CD5: variants seen among roughly 807,000 people sequenced by gnomAD.
The protein encoded by CD5 is T-cell surface glycoprotein CD5.
A neutral mutation model predicts 60.3 loss-of-function variants in CD5; 36 were observed. That is an observed-to-expected ratio of 0.60 (90% CI 0.46 to 0.79). CD5 has a LOEUF of 0.79. Among genes scored for constraint, CD5 ranks in the 30% least tolerant of loss-of-function variants. The pLI is 0.00. For missense variants in CD5, 540 were observed against 630.6 expected (o/e 0.86, Z 1.54); for synonymous variants, 230 against 257.6 (o/e 0.89, Z 1.03).
chr11:61,098,806 G>A (rs568778080), upstream of CD5, among the ~76,000 whole-genome samples: 4 of 152,304 alleles, frequency 2.6e-5, no homozygotes, highest in East Asian at 7.7e-4. Flanking sequence ...TTAACTTGGT[G>A]TCTGAGGGGT....
intron 1 of CD5, among the ~76,000 whole-genome samples, chr11:61,109,509 A>G (rs1255205562): frequency 6.8e-6 from 1 of 147,238 alleles, no homozygotes; most frequent in Non-Finnish European, 1.5e-5. Context: ...AAACAAAATT[A>G]AAAGAAACCT....
At chr11:61,099,450 G>C, upstream of CD5, among the ~76,000 whole-genome samples, 1 of 129,332 alleles carries the variant, frequency 7.7e-6, no homozygotes, top group Non-Finnish European at 1.6e-5. Flanking sequence ...ACATCAACAT[G>C]GAGATTACAC....
At chr11:61,099,553 T>TCA (rs1238956430), upstream of CD5, among the ~76,000 whole-genome samples, 34 of 130,666 alleles carry the variant, frequency 2.6e-4, no homozygotes, top group African/African-American at 4.4e-4. Context: ...AACATGGAGA[T>TCA]CACACACACA....
chr11:61,123,107 G>C (rs1230446256), intron 7 of CD5, 75 bp downstream of exon 7: 1 of 1,472,696 alleles, frequency 6.8e-7, no homozygotes, highest in African/African-American at 1.4e-5. Context: ...TCCTCCGGAG[G>C]AGGGGTCATG....
chr11:61,098,732 G>GACA (rs1168823864), upstream of CD5, among the ~76,000 whole-genome samples: 19 of 152,342 alleles, frequency 1.2e-4, no homozygotes, highest in African/African-American at 4.6e-4. Flanking sequence ...TGCTCACTCA[G>GACA]AGAGCTCAGC....
At chr11:61,126,202 G>A (rs1159821674) in intron 10 of CD5, 86 bp from the exon 11 acceptor site, 2 of 181,606 alleles carry the variant, frequency 1.1e-5, no homozygotes, top group Non-Finnish European at 2.3e-5. Flanking sequence ...CCCCAAGATG[G>A]AGCCCAGAGC....
chr11:61,098,660 T>A (rs1408996601), upstream of CD5, among the ~76,000 whole-genome samples: 2 of 152,210 alleles, frequency 1.3e-5, no homozygotes, highest in Non-Finnish European at 2.9e-5. Context: ...GCTTGCTCAA[T>A]CGATCATGAC....
intron 7 of CD5, among the ~76,000 whole-genome samples, chr11:61,123,476 C>T (rs1185599968): frequency 2.6e-5 from 4 of 152,138 alleles, no homozygotes; most frequent in African/African-American, 7.2e-5. Context: ...ACCTTGTGAA[C>T]GCGGGGGGTT....
intron 8 of CD5, among the ~76,000 whole-genome samples, chr11:61,124,828 TG>T (rs1490358465): frequency 2.0e-5 from 3 of 151,990 alleles, no homozygotes; most frequent in Non-Finnish European, 4.4e-5. Context: ...TACCCAAACC[TG>T]CTCTAAAAGT....
chr11:61,115,349 AC>A (rs1311575702), intron 2 of CD5, among the ~76,000 whole-genome samples: 3 of 152,038 alleles, frequency 2.0e-5, no homozygotes, highest in African/African-American at 7.3e-5. Flanking sequence ...AATTATTATG[AC>A]CCGCTCACCA....
chr11:61,108,324 C>T (rs868609656), intron 1 of CD5, among the ~76,000 whole-genome samples: 3 of 152,176 alleles, frequency 2.0e-5, no homozygotes, highest in Middle Eastern at 3.2e-3. Context: ...ACCCACTGTC[C>T]GCTCACTGGG....
chr11:61,122,307 G>C (rs1243456093), intron 6 of CD5, among the ~76,000 whole-genome samples: 1 of 135,838 alleles, frequency 7.4e-6, no homozygotes, highest in Non-Finnish European at 1.6e-5. Flanking sequence ...TGGGTGGGTG[G>C]GTGGGTGGAT....
In CD5 at chr11:61,119,520, C is replaced by CT; in HGVS notation, c.752dup (p.Arg252GlnfsTer35). ...CAAGCTGTACCTCCCTGGAGCATTG[C>CT]TTCAGGAAAATCAAGCCCCAGAAAA... On this transcript the variant is annotated frameshift_variant, in exon 5 of 11. Transcript: ENST00000347785. LOFTEE classifies it high-confidence loss of function. 6.2e-7 allele frequency: 1 copy of CT among 1,613,934 alleles called. No individual in the cohort carries two copies. Among genetic ancestry groups the CT allele is most frequent in the Admixed American group, 1.7e-5 (1 of 60,018 alleles).
chr11:61,118,277 G>C lies in CD5; in HGVS notation c.197G>C (p.Arg66Pro). 6.2e-7 allele frequency: 1 copy of C among 1,614,264 alleles called. No individual in the cohort carries two copies. The highest frequency in any genetic ancestry group is 8.5e-7 in the Non-Finnish European group (1 of 1,180,048). ...ATGGTTTGCAGCCAGAGCTGGGGCC[G>C]GAGCTCCAAGCAGTGGGAGGACCCC... ...WHMVCSQSWGRSSKQWEDPSQ... is the reference protein window; with the variant it reads ...WHMVCSQSWGPSSKQWEDPSQ... Residue 66 changes from arginine (R) to proline (P), a missense_variant, in exon 3 of 11, where the codon CGG (arginine) becomes CCG (proline). Arg to Pro is a moderately radical substitution (Grantham distance 103). Coordinates refer to ENST00000347785, the MANE Select transcript of CD5 (RefSeq NM_014207.4). This position sits in a 1 kb window ranked among gnomAD's most constrained non-coding sequence, Gnocchi z 4.7.
intron 5 of CD5, 140 bp from the exon 6 acceptor site, chr11:61,121,471 A>G (rs1032402087): frequency 8.7e-6 from 5 of 574,662 alleles, no homozygotes; most frequent in Non-Finnish European, 1.1e-5. Flanking sequence ...GCAGAAAAGA[A>G]GGCTGCCTCT....
At chr11:61,103,270 G>A (rs890986630) in intron 1 of CD5, among the ~76,000 whole-genome samples, 1 of 152,186 alleles carries the variant, frequency 6.6e-6, no homozygotes, top group Non-Finnish European at 1.5e-5. Flanking sequence ...GTGTGACCTC[G>A]GATAGGTCCC....
chr11:61,116,606 CCA>C (rs1207934796), intron 2 of CD5, among the ~76,000 whole-genome samples: 3 of 55,244 alleles, frequency 5.4e-5, no homozygotes, highest in African/African-American at 1.4e-4. Flanking sequence ...ACACCACACA[CCA>C]CACACATACC....
At chr11:61,122,687 G>A (rs1163743357) in intron 6 of CD5, among the ~76,000 whole-genome samples, 3 of 151,896 alleles carry the variant, frequency 2.0e-5, no homozygotes, top group Admixed American at 6.5e-5. Flanking sequence ...ATAGCTAGAT[G>A]ATCAACTGTT....
At chr11:61,116,867 CCACA>C (rs778145334) in intron 2 of CD5, among the ~76,000 whole-genome samples, 35 of 150,742 alleles carry the variant, frequency 2.3e-4, no homozygotes, top group South Asian at 6.3e-4. Flanking sequence ...ATCACACACA[CCACA>C]CACACTACAC....
Sources: gnomAD v4.1 joint callset for allele counts (sites outside exome capture counted in the v4.1 genomes callset) on GRCh38, gnomAD v4.1.1 for gene constraint, Gnocchi (gnomAD v3.1) non-coding constraint, MANE v1.5 for transcripts, NCBI Gene and HGNC (gene_info 2026-07-23, HGNC 2026-07-21) for gene names.